Variants in VWA8 observed in about 807,000 individuals in gnomAD.
VWA8 encodes von Willebrand factor A domain-containing protein 8.
Under a neutral mutation model 241.5 loss-of-function variants are expected in VWA8, and 221 were observed. The ratio of observed to expected loss-of-function variants is 0.91; its 90% confidence interval spans 0.82 to 1.02. VWA8 has a LOEUF of 1.02. Among genes scored for constraint, VWA8 ranks in the 50% least tolerant of loss-of-function variants. The pLI, the probability that VWA8 is intolerant of heterozygous loss-of-function variation, is 0.00. For synonymous variants in VWA8, 852 were observed against 827.1 expected (o/e 1.03, Z -0.52); for missense variants, 2,322 against 2,328.7 (o/e 1.00, Z 0.06).
chr13:41,835,081 G>C (rs915608998), intron 12 of VWA8, among the ~76,000 whole-genome samples: 5 of 152,162 alleles, frequency 3.3e-5, no homozygotes, highest in African/African-American at 1.2e-4. Context: ...GGGCCTGTCA[G>C]AGGGTGAGAG....
intron 12 of VWA8, among the ~76,000 whole-genome samples, chr13:41,834,212 T>C (rs958937129): frequency 6.6e-6 from 1 of 152,234 alleles, no homozygotes; most frequent in Non-Finnish European, 1.5e-5. Flanking sequence ...AAACTATTAA[T>C]AGTTGTGGCA....
At chr13:41,866,318 C>A (rs1873301695) in intron 10 of VWA8, among the ~76,000 whole-genome samples, 1 of 150,712 alleles carries the variant, frequency 6.6e-6, no homozygotes. Flanking sequence ...CACTGCACTG[C>A]AGCCTGGGCA....
chr13:41,938,153 G>T (rs1310159133), intron 2 of VWA8, among the ~76,000 whole-genome samples: 1 of 148,846 alleles, frequency 6.7e-6, no homozygotes, highest in East Asian at 2.0e-4. Context: ...GGTGAGACTT[G>T]GTCTCTTTCA....
chr13:41,807,458 C>A (rs972292925), intron 17 of VWA8, among the ~76,000 whole-genome samples: 2 of 152,088 alleles, frequency 1.3e-5, no homozygotes, highest in African/African-American at 4.8e-5. Flanking sequence ...AGTAGCAAGC[C>A]AAACTCAACA....
intron 37 of VWA8, among the ~76,000 whole-genome samples, chr13:41,615,623 C>G (rs572582679): frequency 6.6e-6 from 1 of 152,100 alleles, no homozygotes; most frequent in Non-Finnish European, 1.5e-5. Flanking sequence ...ATACTAAAAA[C>G]TGCTTATTTA....
intron 37 of VWA8, among the ~76,000 whole-genome samples, chr13:41,664,208 C>T (rs80109655): frequency 2.3e-4 from 35 of 152,122 alleles, no homozygotes; most frequent in East Asian, 3.9e-4. Context: ...AAATTCTAGC[C>T]GGAAATCCTT....
chr13:41,835,972 C>G (rs1871707399), intron 12 of VWA8, among the ~76,000 whole-genome samples: 1 of 152,090 alleles, frequency 6.6e-6, no homozygotes, highest in African/African-American at 2.4e-5. Context: ...AGGTGGGGAA[C>G]TTTTGAAACA....
At chr13:41,597,237 C>A (rs1392001745) in intron 40 of VWA8, among the ~76,000 whole-genome samples, 2 of 152,014 alleles carry the variant, frequency 1.3e-5, no homozygotes, top group Non-Finnish European at 2.9e-5. Context: ...TCATGCTCAA[C>A]CAACATATAT....
intron 20 of VWA8, among the ~76,000 whole-genome samples, chr13:41,761,681 C>T (rs1593753199): frequency 6.6e-6 from 1 of 151,964 alleles, no homozygotes; most frequent in Admixed American, 6.6e-5. Flanking sequence ...ATTTCTTCTC[C>T]TTTTATCCCA....
chr13:41,926,569 G>A (rs143494391), intron 2 of VWA8: 189 of 546,754 alleles, frequency 3.5e-4, no homozygotes, highest in Middle Eastern at 1.0e-3. Context: ...TTGATTTGAG[G>A]CACAATCCTG....
chr13:41,679,263 G>A (rs577225963), intron 35 of VWA8, among the ~76,000 whole-genome samples: 1 of 152,294 alleles, frequency 6.6e-6, no homozygotes, highest in Admixed American at 6.5e-5. Context: ...CATGCACAGT[G>A]CCAAGGTTAG....
chr13:41,819,285 G>T lies in VWA8; in HGVS notation c.1802C>A (p.Thr601Asn). The T allele has an allele frequency of 6.2e-7, 1 of 1,613,198 alleles. No homozygotes were observed. The highest frequency in any genetic ancestry group is 8.5e-7 in the Non-Finnish European group (1 of 1,179,822). The change falls in exon 15 of 45, where the codon ACC becomes AAC. Residue 601 changes from threonine (T) to asparagine (N), a missense_variant. By Grantham distance (65) the Thr-to-Asn change is moderately conservative. Coordinates refer to ENST00000379310, the MANE Select transcript of VWA8 (RefSeq NM_015058.2). Reference protein sequence around the residue: ...AHQWLGPEFLTMFFFHYMKPL... With the variant: ...AHQWLGPEFLNMFFFHYMKPL... ...TTTCATGTAATGGAAAAAGAACATG[G>T]TTAAGAATTCTGGTCCCAGCCACTG...
chr13:41,648,320 AT>A (rs577519185), intron 37 of VWA8, among the ~76,000 whole-genome samples: 1 of 152,184 alleles, frequency 6.6e-6, no homozygotes, highest in South Asian at 2.1e-4. Context: ...AATATTTCTG[AT>A]TTTTTTCTGC....
intron 4 of VWA8, among the ~76,000 whole-genome samples, chr13:41,904,594 C>A (rs540414921): frequency 6.6e-6 from 1 of 151,994 alleles, no homozygotes; most frequent in Non-Finnish European, 1.5e-5. Context: ...ATCATGGGAA[C>A]AGAAATGTAA....
intron 2 of VWA8, among the ~76,000 whole-genome samples, chr13:41,921,237 G>A (rs1163008311): frequency 1.3e-5 from 2 of 152,072 alleles, no homozygotes; most frequent in Non-Finnish European, 2.9e-5. Flanking sequence ...AAATTCAACA[G>A]CCCTTCATGC....
At chr13:41,791,995 T>C (rs1453052647) in intron 17 of VWA8, among the ~76,000 whole-genome samples, 1 of 151,846 alleles carries the variant, frequency 6.6e-6, no homozygotes, top group African/African-American at 2.4e-5. Flanking sequence ...GAAATTACAT[T>C]CCTCTCCATT....
At chr13:41,817,746 T>A (rs1023488484) in intron 15 of VWA8, among the ~76,000 whole-genome samples, 2 of 152,216 alleles carry the variant, frequency 1.3e-5, no homozygotes, top group African/African-American at 4.8e-5. Context: ...CCTATGCCTT[T>A]ATTTACAACC....
At chr13:41,625,912 A>G (rs1021697464) in intron 37 of VWA8, among the ~76,000 whole-genome samples, 1 of 151,882 alleles carries the variant, frequency 6.6e-6, no homozygotes, top group African/African-American at 2.4e-5. Flanking sequence ...ATAAAAAATG[A>G]TGATTTCATG....
At chr13:41,779,477 G>A (rs2137931463) in intron 19 of VWA8, among the ~76,000 whole-genome samples, 1 of 152,136 alleles carries the variant, frequency 6.6e-6, no homozygotes, top group Admixed American at 6.5e-5. Flanking sequence ...AGTGAGGTGA[G>A]TATATAATTG....
Sources: allele counts gnomAD v4.1 joint callset (sites outside exome capture counted in the v4.1 genomes callset), GRCh38; gene constraint gnomAD v4.1.1; transcripts MANE v1.5; gene names NCBI Gene and HGNC (gene_info 2026-07-23, HGNC 2026-07-21).